The following CDH10 variants were observed in gnomAD, a reference collection of about 807,000 sequenced individuals.
The protein encoded by CDH10 is cadherin-10.
Under a neutral mutation model 73.1 loss-of-function variants are expected in CDH10, and 30 were observed. The observed-to-expected ratio is 0.41, with a 90% CI of 0.31 to 0.56. CDH10 has a LOEUF of 0.56. Ranked by LOEUF, CDH10 falls within the 20% of genes least tolerant of loss-of-function variation. The probability of loss-of-function intolerance (pLI) is 0.27; values close to 1 mark genes in which losing one functional copy is unlikely to be tolerated. For missense variants in CDH10, 815 were observed against 973.7 expected, an observed-to-expected ratio of 0.84 and a Z score of 2.17; for synonymous variants, 345 against 348.2, an observed-to-expected ratio of 0.99 and a Z score of 0.10.
intron 5 of CDH10, among the ~76,000 whole-genome samples, chr5:24,526,997 A>AT (rs145401783): frequency 0.049 from 7,447 of 151,308 alleles, 350 homozygotes; most frequent in African/African-American, 0.12. Flanking sequence ...ATTGCCCCTT[A>AT]TTTTTTTGCC....
chr5:24,580,738 A>T (rs1745770029), intron 2 of CDH10, among the ~76,000 whole-genome samples: 1 of 152,164 alleles, frequency 6.6e-6, no homozygotes, highest in African/African-American at 2.4e-5. Flanking sequence ...TAATTTTCTT[A>T]TAGCTGTTAA....
chr5:24,639,522 T>C (rs1747975244), intron 1 of CDH10, among the ~76,000 whole-genome samples: 1 of 151,766 alleles, frequency 6.6e-6, no homozygotes, highest in Admixed American at 6.6e-5. Flanking sequence ...GAATATTTAA[T>C]GTATTCAGCT....
chr5:24,540,295 T>C (rs1744103546), intron 2 of CDH10, among the ~76,000 whole-genome samples: 1 of 151,906 alleles, frequency 6.6e-6, no homozygotes, highest in Non-Finnish European at 1.5e-5. Flanking sequence ...AGAATATAGA[T>C]TTGGAATGAA....
At chr5:24,501,958 G>A (rs1033613073) in intron 8 of CDH10, among the ~76,000 whole-genome samples, 1 of 150,764 alleles carries the variant, frequency 6.6e-6, no homozygotes. Flanking sequence ...TCACTCTGTC[G>A]CCCTGGCTGC....
chr5:24,523,731 TC>T (rs1332219204), intron 5 of CDH10, among the ~76,000 whole-genome samples: 1 of 152,154 alleles, frequency 6.6e-6, no homozygotes, highest in Non-Finnish European at 1.5e-5. Context: ...TTTTTATTTT[TC>T]GATTGGTGCA....
At chr5:24,579,447 C>T (rs1362270499) in intron 2 of CDH10, among the ~76,000 whole-genome samples, 1 of 151,980 alleles carries the variant, frequency 6.6e-6, no homozygotes, top group Non-Finnish European at 1.5e-5. Flanking sequence ...CACGTATTTG[C>T]TCCTTTCTAG....
intron 9 of CDH10, among the ~76,000 whole-genome samples, chr5:24,496,486 A>G (rs1416904333): frequency 3.9e-5 from 6 of 152,156 alleles, no homozygotes; most frequent in Non-Finnish European, 8.8e-5. Context: ...ATCAGTTAAA[A>G]GTTGCAACAT....
chr5:24,535,341 A>G (rs2111880116), intron 4 of CDH10, 62 bp from the exon 5 acceptor site: 1 of 1,460,922 alleles, frequency 6.8e-7, no homozygotes. Flanking sequence ...TATTTTATTA[A>G]GTCCACAAAA....
At chr5:24,548,480 CTTTTTT>C (rs70965609) in intron 2 of CDH10, among the ~76,000 whole-genome samples, 1 of 108,704 alleles carries the variant, frequency 9.2e-6, no homozygotes, top group African/African-American at 3.4e-5. Flanking sequence ...CAGTCCTCCT[CTTTTTT>C]TTTTTTTTTT....
At chr5:24,502,168 C>T (rs1378044082) in intron 8 of CDH10, among the ~76,000 whole-genome samples, 4 of 152,230 alleles carry the variant, frequency 2.6e-5, no homozygotes, top group Middle Eastern at 6.8e-3. Context: ...GTGATCCGCC[C>T]GCCTTGGCCT....
chr5:24,591,786 AAAAT>A (rs1194933543), intron 2 of CDH10, among the ~76,000 whole-genome samples: 4 of 152,086 alleles, frequency 2.6e-5, no homozygotes, highest in African/African-American at 9.6e-5. Context: ...ATAAAAATAA[AAAAT>A]AAGAAGTAGC....
intron 1 of CDH10, among the ~76,000 whole-genome samples, chr5:24,637,292 G>A (rs911679046): frequency 6.6e-5 from 10 of 151,852 alleles, no homozygotes; most frequent in African/African-American, 1.9e-4. Flanking sequence ...ATGAAAGAAC[G>A]GATGAATAAA....
chr5:24,532,775 T>G (rs1743795392), intron 5 of CDH10, among the ~76,000 whole-genome samples: 1 of 152,114 alleles, frequency 6.6e-6, no homozygotes, highest in African/African-American at 2.4e-5. Context: ...CCTATGTGGC[T>G]TTATCATTTC....
chr5:24,628,933 T>A (rs1224368646), intron 1 of CDH10, among the ~76,000 whole-genome samples: 1 of 150,850 alleles, frequency 6.6e-6, no homozygotes, highest in East Asian at 2.0e-4. Context: ...TTCTTACTTA[T>A]ACTGATGATC....
chr5:24,570,962 C>T lies in CDH10; in HGVS notation c.231+22298G>A, dbSNP rs1320750423. Among the ~76,000 whole-genome samples the T allele has an allele frequency of 2.0e-5, 3 of 152,080 alleles. No individual in the cohort carries two copies. The East Asian group carries it at 5.8e-4, about 29-fold the overall frequency. The stretch of plus-strand genomic sequence containing the variant: ...TTTTGAAGTCCTACTGGCTTATTAC[C>T]TATTTTAATAAAGACTTGTTCCTGA... On this transcript the variant is annotated intron_variant, in intron 2 of 11. Transcript: ENST00000264463.
chr5:24,553,280 T>G (rs1203987214), intron 2 of CDH10, among the ~76,000 whole-genome samples: 1 of 152,108 alleles, frequency 6.6e-6, no homozygotes, highest in Admixed American at 6.6e-5. Flanking sequence ...GTATTGTTCC[T>G]TGGTGTGTGT....
chr5:24,629,934 A>G (rs1747647927), intron 1 of CDH10, among the ~76,000 whole-genome samples: 1 of 152,168 alleles, frequency 6.6e-6, no homozygotes, highest in South Asian at 2.1e-4. Context: ...TGTGTCTCTC[A>G]TGAGTCATTT....
intron 1 of CDH10, among the ~76,000 whole-genome samples, chr5:24,630,061 A>T (rs910756016): frequency 6.6e-6 from 1 of 152,178 alleles, no homozygotes; most frequent in African/African-American, 2.4e-5. Flanking sequence ...TGTGGGAGAT[A>T]CTAGGCTGTG....
chr5:24,621,827 T>TACAC (rs57466382), intron 1 of CDH10, among the ~76,000 whole-genome samples: 2 of 151,880 alleles, frequency 1.3e-5, no homozygotes, highest in African/African-American at 4.8e-5. Flanking sequence ...TACGTGTGTA[T>TACAC]ACACACACAC....
Sources: gnomAD v4.1 joint callset for allele counts (sites outside exome capture counted in the v4.1 genomes callset) on GRCh38, gnomAD v4.1.1 for gene constraint, MANE v1.5 for transcripts, NCBI Gene and HGNC (gene_info 2026-07-23, HGNC 2026-07-21) for gene names.